The following FRRS1 variants were observed in gnomAD, a reference collection of about 807,000 sequenced individuals.
FRRS1 encodes the protein ferric chelate reductase 1, also known as ferric reductase 1.
FRRS1 carries 51 observed loss-of-function variants against 70.7 expected under a neutral mutation model. The ratio of observed to expected loss-of-function variants is 0.72; its 90% CI spans 0.58 to 0.91. FRRS1 has a LOEUF of 0.91. Among genes scored for constraint, FRRS1 ranks in the 40% least tolerant of loss-of-function variants. FRRS1 has a pLI of 0.00. For synonymous variants in FRRS1, 225 were observed against 238.7 expected (o/e 0.94, Z 0.53); for missense variants, 672 against 726.0 (o/e 0.93, Z 0.86).
intron 2 of FRRS1, 39 bp downstream of exon 2, chr1:99,748,858 C>A (rs1270089867): frequency 1.5e-5 from 14 of 917,032 alleles, no homozygotes; most frequent in Non-Finnish European, 2.0e-5. Flanking sequence ...TAGATAACTA[C>A]TTGCTTTCTG....
intron 1 of FRRS1, among the ~76,000 whole-genome samples, chr1:99,761,397 G>T (rs1657106651): frequency 6.6e-6 from 1 of 152,076 alleles, no homozygotes; most frequent in African/African-American, 2.4e-5. Flanking sequence ...AAAGTCTTAG[G>T]ATTACAGACG....
chr1:99,710,629 G>C (rs1400478433), intron 15 of FRRS1, among the ~76,000 whole-genome samples, 177 bp downstream of exon 15: 2 of 152,106 alleles, frequency 1.3e-5, no homozygotes, highest in African/African-American at 4.8e-5. Flanking sequence ...ACTTCTAATA[G>C]TAACAAATGT....
chr1:99,750,490 T>A lies in FRRS1; in HGVS notation c.-105-1489A>T, dbSNP rs567484771. On this transcript the variant is annotated intron_variant, in intron 1 of 16. Coordinates refer to ENST00000646001, the MANE Select transcript of FRRS1 (RefSeq NM_001361041.2). ...ATGATTAAGATGCTAAATGCTCCAA[T>A]GGATAAAGTAGATGGCATGCAAGAA... Among the ~76,000 whole-genome samples the A allele has an allele frequency of 1.2e-4, 18 of 152,192 alleles. No homozygotes were observed. In the South Asian group the frequency reaches 3.7e-3, roughly 32 times the overall value.
chr1:99,748,612 C>A lies in FRRS1; in HGVS notation c.157G>T (p.Val53Leu), dbSNP rs369731958. ...PQSVPVHDIYVSQMTFRPGDQ... is the reference protein window; with the variant it reads ...PQSVPVHDIYLSQMTFRPGDQ... Reference sequence around the variant, plus strand: ...CCTGGCCTGAATGTCATCTGACTCACGTAAATGTCATGAACAGGAACAGAC... The same window carrying A: ...CCTGGCCTGAATGTCATCTGACTCAAGTAAATGTCATGAACAGGAACAGAC... The change falls in exon 3 of 17, where the codon GTG (valine) becomes TTG (leucine). Residue 53 changes from valine to leucine, a missense_variant. Transcript: ENST00000646001. The A allele has an allele frequency of 6.2e-7, 1 of 1,613,876 alleles. No homozygotes were observed. Among genetic ancestry groups the A allele is most frequent in the African/African-American group, 1.3e-5 (1 of 74,902 alleles).
chr1:99,750,852 T>A (rs991484307), intron 1 of FRRS1, among the ~76,000 whole-genome samples: 2 of 152,026 alleles, frequency 1.3e-5, no homozygotes, highest in East Asian at 3.8e-4. Context: ...CAATACCAAG[T>A]AGGATAAATA....
At chr1:99,716,010 C>T (rs1654506201) in intron 11 of FRRS1, among the ~76,000 whole-genome samples, 1 of 152,138 alleles carries the variant, frequency 6.6e-6, no homozygotes, top group South Asian at 2.1e-4. Context: ...TAAGCTCCAC[C>T]ATCGAGCACA....
At chr1:99,747,266 T>C (rs759429977) in intron 4 of FRRS1, 28 bp downstream of exon 4, 2 of 1,591,668 alleles carry the variant, frequency 1.3e-6, no homozygotes, top group South Asian at 1.1e-5. Flanking sequence ...ACCTCCACAT[T>C]GTTCAAGGAT....
Position 99,715,072 on chromosome 1 carries a change from G to T in FRRS1, c.1323+514C>A, listed in dbSNP as rs1261259731. Among the ~76,000 whole-genome samples, 5 of 151,992 alleles carry T rather than the reference G, an allele frequency of 3.3e-5. No homozygotes were observed. The East Asian group carries it at 7.7e-4, about 23-fold the overall frequency. On this transcript the variant is annotated intron_variant, in intron 12 of 16. Transcript: ENST00000646001. ...AGGCCTCACTATGTTGCCTAGGCTG[G>T]TTTCGAATTCCTGAGCTCAAGCAAT...
chr1:99,740,358 A>G (rs927775507), intron 6 of FRRS1, among the ~76,000 whole-genome samples: 1 of 152,210 alleles, frequency 6.6e-6, no homozygotes, highest in Non-Finnish European at 1.5e-5. Context: ...GTAAGTCATA[A>G]GGTTGCAATG....
intron 14 of FRRS1, among the ~76,000 whole-genome samples, chr1:99,711,160 G>C (rs578040074): frequency 5.9e-5 from 9 of 152,126 alleles, no homozygotes; most frequent in South Asian, 2.1e-4. Context: ...TACCAATTGT[G>C]GGGGGCGGTT....
chr1:99,724,533 A>G (rs1339923657), intron 9 of FRRS1, among the ~76,000 whole-genome samples: 1 of 152,232 alleles, frequency 6.6e-6, no homozygotes, highest in Non-Finnish European at 1.5e-5. Flanking sequence ...TACATTTTAC[A>G]TTTATACGGG....
At chr1:99,727,215 C>A (rs954861383) in intron 9 of FRRS1, among the ~76,000 whole-genome samples, 1 of 152,182 alleles carries the variant, frequency 6.6e-6, no homozygotes, top group Non-Finnish European at 1.5e-5. Flanking sequence ...TAGCCACTGA[C>A]TGGCACTCAG....
chr1:99,726,092 T>C (rs754213733), intron 9 of FRRS1, among the ~76,000 whole-genome samples: 3 of 152,176 alleles, frequency 2.0e-5, no homozygotes, highest in African/African-American at 2.4e-5. Flanking sequence ...GATTGAATCA[T>C]GGGGGAACAC....
chr1:99,719,967 T>C (rs994046272), intron 9 of FRRS1, among the ~76,000 whole-genome samples: 2 of 152,132 alleles, frequency 1.3e-5, no homozygotes, highest in Non-Finnish European at 2.9e-5. Flanking sequence ...GCTGTTAATA[T>C]GGTCACAAAT....
intron 1 of FRRS1, among the ~76,000 whole-genome samples, chr1:99,754,945 A>G (rs1033785778): frequency 6.6e-6 from 1 of 152,118 alleles, no homozygotes; most frequent in Non-Finnish European, 1.5e-5. Context: ...ATACCCCACT[A>G]TTTATCAAAC....
intron 7 of FRRS1, among the ~76,000 whole-genome samples, chr1:99,733,903 A>G (rs1235237697): frequency 6.6e-6 from 1 of 152,246 alleles, no homozygotes; most frequent in Non-Finnish European, 1.5e-5. Flanking sequence ...TTCATGATAC[A>G]GAAATCTGAC....
At chr1:99,735,888 G>A (rs1655633528) in intron 7 of FRRS1, among the ~76,000 whole-genome samples, 1 of 152,156 alleles carries the variant, frequency 6.6e-6, no homozygotes, top group Admixed American at 6.5e-5. Flanking sequence ...AAAAGGAAAT[G>A]TATCCGTATA....
chr1:99,713,382 C>T (rs1654367688), intron 12 of FRRS1, among the ~76,000 whole-genome samples: 1 of 152,198 alleles, frequency 6.6e-6, no homozygotes. Flanking sequence ...ATAAGTGTTA[C>T]CTTTGTCCAA....
At position 99,729,742 on chromosome 1, in the gene FRRS1, C is replaced by T. The variant is rs779789220; in HGVS notation, c.766G>A (p.Asp256Asn). 1 of 1,603,936 alleles carries T rather than the reference C, an allele frequency of 6.2e-7. No individual in the cohort carries two copies. The highest frequency in any genetic ancestry group is 1.1e-5 in the South Asian group (1 of 90,056). ...TCATGAATACACAGATAAGCATCAT[C>T]ATCACCCTGAAAAACAATTGCAAAT... ...ALSHDQWMGD[D>N]DAYLCIHEDQ... Residue 256 changes from aspartate (D) to asparagine (N), a missense_variant, in exon 8 of 17, where the codon GAT becomes AAT. Transcript: ENST00000646001.
Sources: gnomAD v4.1 joint callset for allele counts (sites outside exome capture counted in the v4.1 genomes callset) on GRCh38, gnomAD v4.1.1 for gene constraint, MANE v1.5 for transcripts, NCBI Gene and HGNC (gene_info 2026-07-23, HGNC 2026-07-21) for gene names.